IDUA: variants seen among roughly 807,000 people sequenced by gnomAD.
The protein encoded by IDUA is alpha-L-iduronidase.
IDUA carries 65 observed loss-of-function variants against 68.9 expected under a neutral mutation model. That is an observed-to-expected ratio of 0.94 (90% confidence interval 0.77 to 1.16). The LOEUF is 1.16. IDUA is among the 50% of genes most tolerant of loss of function. The pLI is 0.00. For synonymous variants in IDUA, 529 were observed against 433.6 expected (o/e 1.22, Z -2.73); for missense variants, 1,046 against 938.0 (o/e 1.12, Z -1.50).
intron 2 of IDUA, among the ~76,000 whole-genome samples, chr4:998,553 C>A (rs1714879899): frequency 6.6e-6 from 1 of 152,166 alleles, no homozygotes; most frequent in Non-Finnish European, 1.5e-5. Context: ...CTGGTCTCTG[C>A]TTCTCACTCC....
Position 1,001,977 on chromosome 4 carries a change from C to T in IDUA, c.793-5C>T, listed in dbSNP as rs773072991. The T allele has an allele frequency of 3.4e-5, 53 of 1,579,156 alleles. No homozygotes were observed. Among genetic ancestry groups the T allele is most frequent in the Non-Finnish European group, 4.2e-5 (49 of 1,164,246 alleles). ...CTGGTGGTGCTGAGGCGGCCCCGCC[C>T]GCAGGGTGCGCGCAGCTCCATCTCC... On this transcript the variant is annotated splice_region_variant and splice_polypyrimidine_tract_variant and intron_variant, in intron 6 of 13. Coordinates refer to ENST00000514224, the MANE Select transcript of IDUA (RefSeq NM_000203.5).
At chr4:1,003,831 G>A (rs1013990677) in intron 12 of IDUA, 181 bp from the exon 13 acceptor site, 9 of 785,690 alleles carry the variant, frequency 1.1e-5, no homozygotes, top group Non-Finnish European at 1.7e-5. Flanking sequence ...TAGGGGACAT[G>A]AGATGGACAT....
Position 1,001,786 on chromosome 4 carries a change from C to A in IDUA, c.697C>A (p.Leu233Met), listed in dbSNP as rs1179147918. 6.2e-7 allele frequency: 1 copy of A among 1,603,830 alleles called. No individual in the cohort carries two copies. The highest frequency in any genetic ancestry group is 1.7e-5 in the Admixed American group (1 of 59,274). Reference protein sequence around the residue: ...DSFHTPPRSPLSWGLLRHCHD... With the variant: ...DSFHTPPRSPMSWGLLRHCHD... The stretch of plus-strand genomic sequence containing the variant: ...CTTCCACACCCCACCGCGATCCCCG[C>A]TGAGCTGGGGCCTCCTGCGCCACTG... The change falls in exon 6 of 14, where the codon CTG becomes ATG. Residue 233 changes from leucine to methionine, a missense_variant. Transcript: ENST00000514224.
chr4:987,659 C>T (rs1369170686), intron 1 of IDUA, 150 bp from the exon 2 acceptor site: 2 of 1,467,112 alleles, frequency 1.4e-6, no homozygotes, highest in Non-Finnish European at 1.8e-6. Context: ...TCCCCACATT[C>T]CTGGCCCTAA....
Position 987,044 on chromosome 4 carries a change from A to G in IDUA, c.-41A>G. 7.0e-7 allele frequency: 1 copy of G among 1,423,444 alleles called. No individual in the cohort carries two copies. The highest frequency in any genetic ancestry group is 3.3e-5 in the East Asian group (1 of 30,696). 88.2% of individuals were successfully genotyped at this position (1,423,444 alleles called of 1,614,324 possible). On this transcript the variant is annotated 5_prime_UTR_variant, in exon 1 of 14. Transcript: ENST00000514224. The stretch of plus-strand genomic sequence containing the variant: ...ACTCCGACCCGGAGGCGGAACCGGC[A>G]GTGCAGCCCGAAGCCCCGCAGTCCC...
At position 987,858 on chromosome 4, in the gene IDUA, C is replaced by T. The variant is rs121965020; in HGVS notation, c.208C>T (p.Gln70Ter). Reference protein sequence around the residue: ...QADQYVLSWDQQLNLAYVGAV... With the variant: ...QADQYVLSWD ...TGACCAGTACGTCCTCAGCTGGGAC[C>T]AGCAGCTCAACCTCGCCTATGTGGG... Residue 70 changes from glutamine to a stop codon, truncating the protein, a stop_gained, in exon 2 of 14, where the codon CAG becomes TAG. Coordinates refer to ENST00000514224, the MANE Select transcript of IDUA (RefSeq NM_000203.5). LOFTEE classifies it high-confidence loss of function. 791 of 1,612,356 alleles carry T rather than the reference C, an allele frequency of 4.9e-4. No individual in the cohort carries two copies. The highest frequency in any genetic ancestry group is 5.3e-4 in the Non-Finnish European group (631 of 1,179,864).
At chr4:1,003,196 C>A in intron 10 of IDUA, 39 bp downstream of exon 10, 2 of 370,524 alleles carry the variant, frequency 5.4e-6, no homozygotes, top group African/African-American at 3.0e-5. Context: ...CGGGCCGGGC[C>A]GGGGTCCCGG....
chr4:989,523 C>T (rs1714054773), intron 2 of IDUA: 1 of 1,554,572 alleles, frequency 6.4e-7, no homozygotes, highest in Non-Finnish European at 8.7e-7. Context: ...CTGCCCAGAC[C>T]AGCGCGTCAG....
intron 2 of IDUA, among the ~76,000 whole-genome samples, chr4:998,012 C>G (rs989958806): frequency 2.0e-5 from 3 of 152,246 alleles, no homozygotes; most frequent in African/African-American, 7.2e-5. Context: ...CACCGTGCCC[C>G]GCTACTCCAA....
At chr4:988,795 C>T (rs1471991118) in intron 2 of IDUA, 3 of 1,503,510 alleles carry the variant, frequency 2.0e-6, no homozygotes, top group South Asian at 1.3e-5. Flanking sequence ...TGTGGGTCCC[C>T]AGGAGGGAGC....
rs954135197 is a variant in IDUA, at chr4:989,405, G to A, written c.299+1456G>A. The stretch of plus-strand genomic sequence containing the variant: ...GCCGTGTCCCCGATGCGGGCCAGCA[G>A]GGCGGTGCGTGGGCGTTGGGTGCGG... On this transcript the variant is annotated intron_variant, in intron 2 of 13. Coordinates refer to ENST00000514224, the MANE Select transcript of IDUA (RefSeq NM_000203.5). 27 of 1,562,304 alleles carry A rather than the reference G, an allele frequency of 1.7e-5. No homozygotes were observed. The highest frequency in any genetic ancestry group is 2.3e-5 in the Non-Finnish European group (26 of 1,153,864).
chr4:1,000,732 C>T (rs1715021269), intron 3 of IDUA, 35 bp downstream of exon 3: 73 of 1,540,146 alleles, frequency 4.7e-5, no homozygotes, highest in Non-Finnish European at 6.4e-5. Context: ...AGCCCGCCTG[C>T]ACCCCCTTGC....
At position 987,519 on chromosome 4, in the gene IDUA, G is replaced by A. The variant is rs913419680; in HGVS notation, c.158+277G>A. 73 of 913,936 alleles carry A rather than the reference G, an allele frequency of 8.0e-5. No individual in the cohort carries two copies. The Middle Eastern group carries it at 1.0e-3, about 13-fold the overall frequency. 56.6% of individuals were successfully genotyped at this position (913,936 alleles called of 1,614,324 possible). A position where few individuals can be genotyped will look rare whatever the true frequency, so the allele number is the denominator to read the frequency against. On this transcript the variant is annotated intron_variant, in intron 1 of 13. Coordinates refer to ENST00000514224, the MANE Select transcript of IDUA (RefSeq NM_000203.5). ...CCCTGGGAGTGGACGGCCCTGCAGC[G>A]GGACCTGGCCTGCCTGTCCCATTCC...
chr4:987,973 C>G (rs770206510), intron 2 of IDUA, 24 bp downstream of exon 2: 2 of 1,549,972 alleles, frequency 1.3e-6, no homozygotes, highest in Non-Finnish European at 1.7e-6. Context: ...AGGGTCTGGG[C>G]GTCCCAGAGC....
At chr4:990,761 G>A (rs1414560802) in intron 2 of IDUA, 1 of 394,946 alleles carries the variant, frequency 2.5e-6, no homozygotes, top group Non-Finnish European at 4.6e-6. Flanking sequence ...GACAGGCCAA[G>A]GCAGGAGACC....
At chr4:987,477 G>C (rs1266153174) in intron 1 of IDUA, among the ~76,000 whole-genome samples, 3 of 152,188 alleles carry the variant, frequency 2.0e-5, no homozygotes, top group Non-Finnish European at 4.4e-5. Context: ...TGCTCTTTGA[G>C]GTAAACCAGG....
Position 995,046 on chromosome 4 carries a change from CT to C in IDUA, c.300-5550del, listed in dbSNP as rs562525715. Among the ~76,000 whole-genome samples, 646 of 138,858 alleles carry C rather than the reference CT, an allele frequency of 4.7e-3. 5 individuals are homozygous for C. Among genetic ancestry groups the C allele is most frequent in the African/African-American group, 9.1e-3 (345 of 37,958 alleles). 91.1% of individuals were successfully genotyped at this position (138,858 alleles called of 152,430 possible). On this transcript the variant is annotated intron_variant, in intron 2 of 13. Coordinates refer to ENST00000514224, the MANE Select transcript of IDUA (RefSeq NM_000203.5). ...TAGCGCTTCACTCCAGCCTACAAGT[CT>C]TTTTTTTTTTTTTTTGAGATGGAGT...
At chr4:988,865 T>C (rs1394876781) in intron 2 of IDUA, 3 of 1,596,514 alleles carry the variant, frequency 1.9e-6, no homozygotes, top group Non-Finnish European at 2.6e-6. Context: ...TCCAGCTCCC[T>C]GTGGCGGGCT....
chr4:1,000,771 C>T (rs1715024039), intron 3 of IDUA, 74 bp downstream of exon 3: 1 of 1,472,350 alleles, frequency 6.8e-7, no homozygotes, highest in Non-Finnish European at 9.5e-7. Flanking sequence ...CACCCAGCCC[C>T]TCTGAGTCCT....
Sources: allele counts gnomAD v4.1 joint callset (sites outside exome capture counted in the v4.1 genomes callset), GRCh38; gene constraint gnomAD v4.1.1; transcripts MANE v1.5; gene names NCBI Gene and HGNC (gene_info 2026-07-23, HGNC 2026-07-21).